Variants in FBL observed in about 807,000 individuals in gnomAD.
The protein encoded by FBL is rRNA 2'-O-methyltransferase fibrillarin.
FBL carries 10 observed loss-of-function variants against 42.2 expected under a neutral mutation model. The observed-to-expected ratio is 0.24, with a 90% confidence interval of 0.15 to 0.40. The LOEUF (loss-of-function observed/expected upper bound fraction) is 0.40. Among genes scored for constraint, FBL ranks in the 10% least tolerant of loss-of-function variants. The pLI is 1.00. For synonymous variants in FBL, 165 were observed against 165.4 expected, an observed-to-expected ratio of 1.00 and a Z score of 0.02; for missense variants, 351 against 439.2, an observed-to-expected ratio of 0.80 and a Z score of 1.79.
intron 6 of FBL, among the ~76,000 whole-genome samples, chr19:39,836,920 G>T (rs113951407): frequency 1.3e-5 from 2 of 152,238 alleles, no homozygotes; most frequent in African/African-American, 4.8e-5. Context: ...GGCCGGGCGT[G>T]GGGGACATAG....
chr19:39,835,470 G>T (rs1376682128), intron 7 of FBL, among the ~76,000 whole-genome samples: 1 of 152,062 alleles, frequency 6.6e-6, no homozygotes, highest in Non-Finnish European at 1.5e-5. Flanking sequence ...AGTGAGCCGA[G>T]ATCGTACCAC....
intron 4 of FBL, 51 bp from the exon 5 acceptor site, chr19:39,839,256 T>C: frequency 6.8e-7 from 1 of 1,478,584 alleles, no homozygotes; most frequent in South Asian, 1.3e-5. Context: ...CTGCAGGACC[T>C]CACTGCCTTT....
At chr19:39,845,283 G>A (rs1006619701) in intron 1 of FBL, among the ~76,000 whole-genome samples, 8 of 152,334 alleles carry the variant, frequency 5.3e-5, no homozygotes, top group African/African-American at 1.7e-4. Context: ...CCACCGAGAA[G>A]GATTCTAATG....
chr19:39,838,128 G>T (rs1969085135), intron 5 of FBL: 1 of 375,926 alleles, frequency 2.7e-6, no homozygotes, highest in Non-Finnish European at 4.8e-6. Context: ...AAGGCACAGA[G>T]ATGATGTAAC....
Position 39,840,528 on chromosome 19 carries a change from G to A in FBL, c.182-13C>T, listed in dbSNP as rs373548361. 9.7e-5 allele frequency: 156 copies of A among 1,613,838 alleles called. No individual in the cohort carries two copies. The highest frequency in any genetic ancestry group is 1.3e-4 in the East Asian group (6 of 44,896). On this transcript the variant is annotated splice_polypyrimidine_tract_variant and intron_variant, in intron 2 of 8. Transcript: ENST00000221801. This position sits in a 1 kb window ranked among gnomAD's most constrained non-coding sequence, Gnocchi z 4.5. ...TGGAAGCCTCCACCTATAAAGGAGA[G>A]GTACAACAGGAGAGAAAGATCCTGA...
At position 39,844,058 on chromosome 19, in the gene FBL, G is replaced by A. The variant is rs1177733793; in HGVS notation, c.10+2233C>T. ...TACTCCTAATTTGATCTTTTAAAAT[G>A]AAGTTTCCTTTTCAAAACTCTAGAA... On this transcript the variant is annotated intron_variant, in intron 1 of 8. Coordinates refer to ENST00000221801, the MANE Select transcript of FBL (RefSeq NM_001436.4). Among the ~76,000 whole-genome samples the A allele has an allele frequency of 2.6e-5, 4 of 152,050 alleles. No homozygotes were observed. In the East Asian group the frequency reaches 7.7e-4, roughly 29 times the overall value.
rs1969136592 is a variant in FBL, at chr19:39,840,367, C to T, written c.284-40G>A. On this transcript the variant is annotated intron_variant, in intron 3 of 8. Transcript: ENST00000221801. The surrounding 1 kb of genome is among the most constrained non-coding windows in gnomAD (Gnocchi z 4.5). Reference sequence around the variant, plus strand: ...CAGAGCAGGGGTGAGGACCCCCAGCCTCTCCCTGCCCCGAAGCTCAGCCGG... The same window carrying T: ...CAGAGCAGGGGTGAGGACCCCCAGCTTCTCCCTGCCCCGAAGCTCAGCCGG... 2 of 1,611,650 alleles carry T rather than the reference C, an allele frequency of 1.2e-6. No homozygotes were observed. The highest frequency in any genetic ancestry group is 1.1e-5 in the South Asian group (1 of 91,018).
rs375380847 is a variant in FBL at position 39,834,460 on chromosome 19, C to T, written c.*78G>A. On this transcript the variant is annotated 3_prime_UTR_variant, in exon 9 of 9. Coordinates refer to ENST00000221801, the MANE Select transcript of FBL (RefSeq NM_001436.4). The stretch of plus-strand genomic sequence containing the variant: ...AGGAATGAGCAGCAGACATGGGAGA[C>T]GGATGAGTCTTTTAATAGAAAAACA... The T allele has an allele frequency of 3.7e-5, 57 of 1,528,830 alleles. No homozygotes were observed. In the East Asian group the frequency reaches 1.1e-3, roughly 31 times the overall value. 94.7% of individuals were successfully genotyped at this position (1,528,830 alleles called of 1,614,324 possible).
Position 39,846,193 on chromosome 19 carries a change from T to C in FBL, c.10+98A>G, listed in dbSNP as rs1280254807. 10 of 1,417,138 alleles carry C rather than the reference T, an allele frequency of 7.1e-6. No homozygotes were observed. In the African/African-American group the frequency reaches 9.9e-5, roughly 14 times the overall value. 87.8% of individuals were successfully genotyped at this position (1,417,138 alleles called of 1,614,324 possible). ...GACTGGAACCCGTGCTCAGAACCCC[T>C]GCCCCCAGGCCAAGGCCCCACCCCT... On this transcript the variant is annotated intron_variant, in intron 1 of 8. Coordinates refer to ENST00000221801, the MANE Select transcript of FBL (RefSeq NM_001436.4).
intron 5 of FBL, 119 bp from the exon 6 acceptor site, chr19:39,837,962 CTAA>C (rs1320073090): frequency 1.3e-6 from 1 of 752,662 alleles, no homozygotes; most frequent in Non-Finnish European, 2.1e-6. Flanking sequence ...ACCCTACCAT[CTAA>C]TGACTATTGC....
In FBL at chr19:39,840,791, T is replaced by TG; in HGVS notation, c.11-5dup. On this transcript the variant is annotated splice_region_variant and splice_polypyrimidine_tract_variant and intron_variant, in intron 1 of 8. Transcript: ENST00000221801. This position sits in a 1 kb window ranked among gnomAD's most constrained non-coding sequence, Gnocchi z 4.5. Reference sequence around the variant, plus strand: ...CCACCCCCACGGGGACTGAATCCTGTGGGGGAAACAAAACAGGAGTCAGGG... The same window carrying TG: ...CCACCCCCACGGGGACTGAATCCTGTGGGGGGAAACAAAACAGGAGTCAGGG... 1.3e-6 allele frequency: 2 copies of TG among 1,537,788 alleles called. No individual in the cohort carries two copies. The highest frequency in any genetic ancestry group is 1.8e-6 in the Non-Finnish European group (2 of 1,140,784).
In FBL at chr19:39,840,115, A is replaced by T; in HGVS notation, c.378+118T>A. The T allele has an allele frequency of 1.4e-6, 1 of 734,210 alleles. No individual in the cohort carries two copies. Among genetic ancestry groups the T allele is most frequent in the Non-Finnish European group, 2.4e-6 (1 of 416,090 alleles). 45.5% of individuals were successfully genotyped at this position (734,210 alleles called of 1,614,324 possible). ...GATGAGGGAGCAGACAGTGTGGTTT[A>T]CATATTATGACAATCCTCCAGCTGT... On this transcript the variant is annotated intron_variant, in intron 4 of 8. Coordinates refer to ENST00000221801, the MANE Select transcript of FBL (RefSeq NM_001436.4). This position sits in a 1 kb window ranked among gnomAD's most constrained non-coding sequence, Gnocchi z 4.5.
At position 39,836,588 on chromosome 19, in the gene FBL, G is replaced by T; in HGVS notation, c.763C>A (p.Arg255Ser). The T allele has an allele frequency of 6.2e-7, 1 of 1,613,646 alleles. No individual in the cohort carries two copies. Among genetic ancestry groups the T allele is most frequent in the Non-Finnish European group, 8.5e-7 (1 of 1,179,596 alleles). ...IVALNAHTFL[R>S]NGGHFVISIK... ...GAAATCACAAAGTGTCCTCCATTAC[G>T]CAGGAAGGTGTGGGCATTCAGGGCC... Residue 255 changes from arginine to serine, a missense_variant, in exon 7 of 9, where the codon CGT becomes AGT. Physicochemically the swap from Arg to Ser is moderately radical, Grantham distance 110. Coordinates refer to ENST00000221801, the MANE Select transcript of FBL (RefSeq NM_001436.4).
chr19:39,834,585 GA>G (rs1353208486), intron 8 of FBL, 23 bp from the exon 9 acceptor site: 2 of 1,614,036 alleles, frequency 1.2e-6, no homozygotes, highest in Admixed American at 3.3e-5. Flanking sequence ...GATAGGTGAT[GA>G]AGGAGGGTCC....
rs377289250 is a variant in FBL, at chr19:39,840,379, C to A, written c.283+35G>T. Reference sequence around the variant, plus strand: ...GAGGACCCCCAGCCTCTCCCTGCCCCGAAGCTCAGCCGGCTCCCTGCCTTC... The same window carrying A: ...GAGGACCCCCAGCCTCTCCCTGCCCAGAAGCTCAGCCGGCTCCCTGCCTTC... On this transcript the variant is annotated intron_variant, in intron 3 of 8. Transcript: ENST00000221801. This position sits in a 1 kb window ranked among gnomAD's most constrained non-coding sequence, Gnocchi z 4.5. The A allele has an allele frequency of 6.2e-7, 1 of 1,612,620 alleles. No homozygotes were observed. Among genetic ancestry groups the A allele is most frequent in the Non-Finnish European group, 8.5e-7 (1 of 1,178,750 alleles).
chr19:39,843,120 T>G (rs1969191387), intron 1 of FBL, among the ~76,000 whole-genome samples: 1 of 152,186 alleles, frequency 6.6e-6, no homozygotes, highest in African/African-American at 2.4e-5. Context: ...ATTTTTAATA[T>G]TATTACCACC....
intron 1 of FBL, 80 bp downstream of exon 1, chr19:39,846,211 C>G: frequency 6.5e-7 from 1 of 1,546,790 alleles, no homozygotes; most frequent in Non-Finnish European, 8.9e-7. Flanking sequence ...GGCCAAGGCC[C>G]CACCCCTCCG....
In FBL at chr19:39,834,748, T is replaced by G. The variant is rs371885454; in HGVS notation, c.861A>C (p.Gln287His). 1 of 1,614,186 alleles carries G rather than the reference T, an allele frequency of 6.2e-7. No individual in the cohort carries two copies. The highest frequency in any genetic ancestry group is 8.5e-7 in the Non-Finnish European group (1 of 1,180,028). ...AVFASEVKKM[Q>H]QENMKPQEQL... ...GCTCCTGCGGCTTCATGTTCTCCTG[T>G]TGCATCTTTTTCACTTCGGAGGCAA... Residue 287 changes from glutamine (Q) to histidine (H), a missense_variant, in exon 8 of 9, where the codon CAA becomes CAC. By Grantham distance (24) the Gln-to-His change is conservative. Coordinates refer to ENST00000221801, the MANE Select transcript of FBL (RefSeq NM_001436.4).
At chr19:39,842,567 A>T (rs1969181938) in intron 1 of FBL, among the ~76,000 whole-genome samples, 1 of 151,688 alleles carries the variant, frequency 6.6e-6, no homozygotes, top group African/African-American at 2.4e-5. Flanking sequence ...TTAATCTTCT[A>T]CTCCCTCTAC....
Sources: gnomAD v4.1 joint callset for allele counts (sites outside exome capture counted in the v4.1 genomes callset) on GRCh38, gnomAD v4.1.1 for gene constraint, Gnocchi (gnomAD v3.1) non-coding constraint, MANE v1.5 for transcripts, NCBI Gene and HGNC (gene_info 2026-07-23, HGNC 2026-07-21) for gene names.